Variants in CCDC91 observed in about 807,000 individuals in gnomAD.
CCDC91 encodes the protein coiled-coil domain-containing protein 91.
A neutral mutation model predicts 63.2 loss-of-function variants in CCDC91; 48 were observed. That is an observed-to-expected ratio of 0.76 (90% CI 0.60 to 0.97). The LOEUF (loss-of-function observed/expected upper bound fraction) is 0.97, where lower values mean the gene tolerates loss of function less well. Among genes scored for constraint, CCDC91 ranks in the 50% least tolerant of loss-of-function variants. CCDC91 has a pLI of 0.00. For synonymous variants in CCDC91, 167 were observed against 165.8 expected (o/e 1.01, Z -0.06); for missense variants, 500 against 494.6 (o/e 1.01, Z -0.10).
At chr12:28,422,631 A>G (rs1447338534) in intron 8 of CCDC91, among the ~76,000 whole-genome samples, 1 of 152,086 alleles carries the variant, frequency 6.6e-6, no homozygotes, top group East Asian at 1.9e-4. Context: ...GCTAGCCATA[A>G]AATTGTTTTT....
intron 12 of CCDC91, among the ~76,000 whole-genome samples, chr12:28,522,149 A>G (rs1026476603): frequency 6.6e-6 from 1 of 152,186 alleles, no homozygotes; most frequent in African/African-American, 2.4e-5. Flanking sequence ...AAGGAATGGT[A>G]CAAGCTCCTC....
intron 8 of CCDC91, among the ~76,000 whole-genome samples, chr12:28,440,560 G>C (rs912823182): frequency 5.3e-5 from 8 of 152,090 alleles, no homozygotes; most frequent in African/African-American, 1.4e-4. Flanking sequence ...AGTCATAAAA[G>C]AAAAATCGAT....
intron 1 of CCDC91, among the ~76,000 whole-genome samples, chr12:28,232,004 T>A (rs1160788886): frequency 6.6e-6 from 1 of 152,298 alleles, no homozygotes; most frequent in East Asian, 1.9e-4. Context: ...CAAAGTAGGA[T>A]AATTCACTCC....
intron 1 of CCDC91, among the ~76,000 whole-genome samples, chr12:28,240,386 C>T (rs1945253971): frequency 6.6e-6 from 1 of 151,950 alleles, no homozygotes; most frequent in African/African-American, 2.4e-5. Context: ...CAATTTTTGT[C>T]ACCCACTGTA....
chr12:28,318,415 C>T (rs1291438423), intron 6 of CCDC91, among the ~76,000 whole-genome samples: 1 of 151,532 alleles, frequency 6.6e-6, no homozygotes, highest in East Asian at 1.9e-4. Context: ...GGTGTGTGCA[C>T]CTGTTGTCCT....
At chr12:28,217,704 C>T (rs1943654965) in intron 1 of CCDC91, among the ~76,000 whole-genome samples, 1 of 151,684 alleles carries the variant, frequency 6.6e-6, no homozygotes, top group South Asian at 2.1e-4. Context: ...TGAAGGCGAC[C>T]CTAGGCAGGC....
chr12:28,471,541 G>C (rs1260441629), intron 11 of CCDC91, among the ~76,000 whole-genome samples: 1 of 152,122 alleles, frequency 6.6e-6, no homozygotes, highest in Non-Finnish European at 1.5e-5. Context: ...TCTCAGAATG[G>C]ACATTTATTT....
At position 28,450,327 on chromosome 12, in the gene CCDC91, CCAACTGTTTTATCATTTGA is replaced by C; in HGVS notation, c.856-20_856-2del. The C allele has an allele frequency of 1.2e-6, 2 of 1,604,472 alleles. No individual in the cohort carries two copies. Among genetic ancestry groups the C allele is most frequent in the South Asian group, 2.2e-5 (2 of 90,800 alleles). On this transcript the variant is annotated splice_region_variant and splice_polypyrimidine_tract_variant and intron_variant, in intron 9 of 12. Transcript: ENST00000536442. ...CTCAAATAATACATTTAATGTCTTT[CCAACTGTTTTATCATTTGA>C]CAGGAAATATTGGAAAAGTGTTTGG...
At chr12:28,301,144 T>C (rs1379238905) in intron 3 of CCDC91, among the ~76,000 whole-genome samples, 1 of 151,638 alleles carries the variant, frequency 6.6e-6, no homozygotes. Flanking sequence ...CCTTTTCTTA[T>C]TCCTCATCTT....
At position 28,251,038 on chromosome 12, in the gene CCDC91, G is replaced by GA. The variant is rs1011865431; in HGVS notation, c.-14-6156dup. ...AATTTCTGTTTGCCCAGAAGAGTCA[G>GA]AAAAAAAACCACTTGTCTCTGTTGC... On this transcript the variant is annotated intron_variant, in intron 1 of 12. Coordinates refer to ENST00000536442, the MANE Select transcript of CCDC91 (RefSeq NM_018318.5). Among the ~76,000 whole-genome samples the GA allele has an allele frequency of 4.4e-4, 66 of 150,926 alleles. 1 individual carries two copies. Among genetic ancestry groups the GA allele is most frequent in the African/African-American group, 1.6e-3 (64 of 41,154 alleles).
chr12:28,190,785 C>T (rs1941147338), intron 1 of CCDC91, 144 bp downstream of exon 1: 1 of 152,230 alleles, frequency 6.6e-6, no homozygotes, highest in Non-Finnish European at 1.5e-5. Flanking sequence ...TTGGCTGTCG[C>T]AGCGACCAGG....
At chr12:28,444,742 C>T (rs1053332445) in intron 8 of CCDC91, among the ~76,000 whole-genome samples, 1 of 152,094 alleles carries the variant, frequency 6.6e-6, no homozygotes, top group Non-Finnish European at 1.5e-5. Flanking sequence ...GGGCTTAGTA[C>T]TTTGGTGATG....
intron 1 of CCDC91, among the ~76,000 whole-genome samples, chr12:28,217,549 A>G (rs1417107537): frequency 6.6e-6 from 1 of 152,124 alleles, no homozygotes; most frequent in African/African-American, 2.4e-5. Flanking sequence ...CCACAAAGGG[A>G]CAGAATTTTT....
chr12:28,435,319 A>C (rs1315299017), intron 8 of CCDC91, among the ~76,000 whole-genome samples: 2 of 150,374 alleles, frequency 1.3e-5, no homozygotes, highest in Admixed American at 1.3e-4. Flanking sequence ...TTTTTCTTTT[A>C]GTTCAGAGTG....
intron 6 of CCDC91, among the ~76,000 whole-genome samples, chr12:28,328,032 C>T (rs1470928543): frequency 3.3e-5 from 5 of 152,090 alleles, no homozygotes; most frequent in Admixed American, 2.0e-4. Flanking sequence ...TATAGGGGCA[C>T]TCTGTTAATT....
intron 6 of CCDC91, among the ~76,000 whole-genome samples, chr12:28,316,139 TGTA>T (rs751031845): frequency 5.9e-5 from 9 of 151,954 alleles, no homozygotes; most frequent in Non-Finnish European, 1.2e-4. Flanking sequence ...TTCTAATATA[TGTA>T]GTTTCAATTT....
chr12:28,517,459 C>T (rs925670323), intron 12 of CCDC91, among the ~76,000 whole-genome samples: 7 of 151,980 alleles, frequency 4.6e-5, no homozygotes, highest in African/African-American at 1.4e-4. Flanking sequence ...TGTATGGGTA[C>T]TTCTGTAAAC....
intron 6 of CCDC91, among the ~76,000 whole-genome samples, chr12:28,346,678 A>G (rs1942835174): frequency 6.6e-6 from 1 of 152,232 alleles, no homozygotes; most frequent in South Asian, 2.1e-4. Flanking sequence ...GGAAAAGGGC[A>G]TGGAGCTTCC....
intron 1 of CCDC91, chr12:28,236,150 T>G (rs1944935140): frequency 2.0e-5 from 3 of 152,200 alleles, no homozygotes; most frequent in African/African-American, 7.2e-5. Context: ...CTCTATATTT[T>G]ATTTAATTGA....
Sources: gnomAD v4.1 joint callset for allele counts (sites outside exome capture counted in the v4.1 genomes callset) on GRCh38, gnomAD v4.1.1 for gene constraint, MANE v1.5 for transcripts, NCBI Gene and HGNC (gene_info 2026-07-23, HGNC 2026-07-21) for gene names.